ATAD2B: variants seen among roughly 807,000 people sequenced by gnomAD.
ATAD2B encodes ATPase family AAA domain-containing protein 2B.
In ATAD2B, 40 loss-of-function variants were observed where a neutral mutation model predicts 167.6. The ratio of observed to expected loss-of-function variants is 0.24; its 90% CI spans 0.19 to 0.31. The LOEUF is 0.31. Among genes scored for constraint, ATAD2B ranks in the 10% least tolerant of loss-of-function variants. The probability of loss-of-function intolerance (pLI) is 1.00; values close to 1 mark genes in which losing one functional copy is unlikely to be tolerated. For missense variants in ATAD2B, 1,242 were observed against 1,757.2 expected (o/e 0.71, Z 5.24); for synonymous variants, 579 against 596.5 (o/e 0.97, Z 0.43).
chr2:23,773,797 A>G (rs1281121638), intron 22 of ATAD2B, among the ~76,000 whole-genome samples: 2 of 152,200 alleles, frequency 1.3e-5, no homozygotes, highest in Non-Finnish European at 2.9e-5. Flanking sequence ...GTTGTGCCAT[A>G]TAACATCTGT....
At chr2:23,691,416 T>A in the ATAD2B span, 2 of 546,952 alleles carry the variant, frequency 3.7e-6, no homozygotes, top group Admixed American at 6.3e-5. Context: ...TAGCTCATGC[T>A]TTTTGATTTG....
intron 15 of ATAD2B, among the ~76,000 whole-genome samples, chr2:23,825,389 T>G (rs1688095999): frequency 6.6e-6 from 1 of 152,164 alleles, no homozygotes; most frequent in Non-Finnish European, 1.5e-5. Flanking sequence ...TATAAGCAGA[T>G]TACGCATTAA....
chr2:23,730,297 A>G, the ATAD2B span, among the ~76,000 whole-genome samples: 2 of 152,222 alleles, frequency 1.3e-5, no homozygotes, highest in Non-Finnish European at 2.9e-5. Flanking sequence ...AACAATACAC[A>G]TCTAAATTAT....
intron 18 of ATAD2B, chr2:23,799,796 G>GA (rs1177574245): frequency 6.6e-6 from 1 of 151,754 alleles, no homozygotes; most frequent in Non-Finnish European, 1.5e-5. Flanking sequence ...ATAATAATTG[G>GA]AAAAAATGTA....
In ATAD2B at chr2:23,757,409, T is replaced by G. The variant is rs772645171; in HGVS notation, c.4078+9A>C. ...AACCTTCAGAAGATTTTTCAAATAT[T>G]AGCTCTACCTTCTTTATCCAGTTCT... On this transcript the variant is annotated intron_variant, in intron 25 of 27. Coordinates refer to ENST00000238789, the MANE Select transcript of ATAD2B (RefSeq NM_017552.4). 4 of 1,457,450 alleles carry G rather than the reference T, an allele frequency of 2.7e-6. No homozygotes were observed. In the African/African-American group the frequency reaches 5.8e-5, roughly 21 times the overall value. The allele number at this position is 1,457,450 out of a possible 1,614,324, so 90.3% of individuals were successfully genotyped here. A position where few individuals can be genotyped will look rare whatever the true frequency, so the allele number is the denominator to read the frequency against.
At chr2:23,807,948 T>C (rs1684768871) in intron 18 of ATAD2B, among the ~76,000 whole-genome samples, 1 of 124,088 alleles carries the variant, frequency 8.1e-6, no homozygotes, top group Admixed American at 9.3e-5. Flanking sequence ...TATAAATATA[T>C]AAATATTTAT....
intron 22 of ATAD2B, among the ~76,000 whole-genome samples, chr2:23,774,630 TG>T (rs1424693389): frequency 7.9e-5 from 12 of 152,332 alleles, no homozygotes; most frequent in Admixed American, 5.9e-4. Flanking sequence ...CTAGGCACAG[TG>T]GCTCACACCT....
intron 1 of ATAD2B, among the ~76,000 whole-genome samples, chr2:23,922,265 T>C (rs993649467): frequency 6.6e-6 from 1 of 152,122 alleles, no homozygotes; most frequent in African/African-American, 2.4e-5. Context: ...GTTTTGTGAA[T>C]ACAGTATTAG....
At chr2:23,703,642 A>C in the ATAD2B span, 1 of 1,449,544 alleles carries the variant, frequency 6.9e-7, no homozygotes. Context: ...CCTTCCCTGG[A>C]GGGTCTTCTG....
chr2:23,756,928 AAAT>A (rs1676018404), intron 25 of ATAD2B, among the ~76,000 whole-genome samples: 1 of 152,206 alleles, frequency 6.6e-6, no homozygotes, highest in East Asian at 1.9e-4. Flanking sequence ...TGGAGAGTGT[AAAT>A]AATGAGCTGA....
chr2:23,843,297 T>C (rs1691222855), intron 13 of ATAD2B, among the ~76,000 whole-genome samples: 1 of 151,948 alleles, frequency 6.6e-6, no homozygotes, highest in Non-Finnish European at 1.5e-5. Context: ...ACAAAAATTA[T>C]CCAAGGTGAA....
Position 23,926,678 on chromosome 2 carries a change from C to A in ATAD2B, c.93G>T (p.Ala31=). Residue 31 remains alanine, a synonymous_variant, in exon 1 of 28, where the codon GCG becomes GCT. Transcript: ENST00000238789. ...PGPGAGAEPG[A]TGGSSHFISS... is the part of the protein sequence containing the mutation. ...AGATGAAATGGCTGCTGCCTCCGGTCGCCCCAGGCTCTGCTCCGGCCCCAG... is the reference window on the plus strand; with the variant it reads ...AGATGAAATGGCTGCTGCCTCCGGTAGCCCCAGGCTCTGCTCCGGCCCCAG... 6.4e-7 allele frequency: 1 copy of A among 1,555,248 alleles called. No individual in the cohort carries two copies. The highest frequency in any genetic ancestry group is 8.7e-7 in the Non-Finnish European group (1 of 1,150,076).
intron 13 of ATAD2B, among the ~76,000 whole-genome samples, chr2:23,837,568 C>A (rs955208466): frequency 2.4e-4 from 36 of 152,214 alleles, no homozygotes; most frequent in African/African-American, 8.4e-4. Context: ...CCAAAAGCTC[C>A]GTGGAATGTG....
intron 27 of ATAD2B, among the ~76,000 whole-genome samples, chr2:23,752,979 A>C (rs547053275): frequency 5.3e-5 from 8 of 152,178 alleles, no homozygotes; most frequent in Non-Finnish European, 1.2e-4. Flanking sequence ...CAAGCTAATA[A>C]AACTGCAACC....
chr2:23,736,412 A>G, the ATAD2B span, among the ~76,000 whole-genome samples: 3 of 152,202 alleles, frequency 2.0e-5, no homozygotes, highest in Non-Finnish European at 4.4e-5. Context: ...GTAATACTAA[A>G]CAGGAACCAA....
At chr2:23,854,678 CAA>C (rs796112621) in intron 13 of ATAD2B, among the ~76,000 whole-genome samples, 22 of 75,534 alleles carry the variant, frequency 2.9e-4, no homozygotes, top group Non-Finnish European at 2.6e-4. Flanking sequence ...GACTTCGTCT[CAA>C]AAAAAAAAAA....
At chr2:23,687,204 T>C in the ATAD2B span, among the ~76,000 whole-genome samples, 1 of 152,186 alleles carries the variant, frequency 6.6e-6, no homozygotes, top group East Asian at 1.9e-4. Context: ...CTCTGGGACC[T>C]CTGTCCTGGT....
chr2:23,765,414 A>G, intron 23 of ATAD2B, 92 bp downstream of exon 23: 1 of 1,054,402 alleles, frequency 9.5e-7, no homozygotes, highest in Admixed American at 3.4e-5. Flanking sequence ...TACTTTCATA[A>G]TACCAGCAAT....
chr2:23,865,212 C>CA (rs1694958293), intron 10 of ATAD2B, among the ~76,000 whole-genome samples: 1 of 151,960 alleles, frequency 6.6e-6, no homozygotes, highest in Admixed American at 6.6e-5. Context: ...ATTATACTAA[C>CA]ATATATAATT....
Sources: allele counts gnomAD v4.1 joint callset (sites outside exome capture counted in the v4.1 genomes callset), GRCh38; gene constraint gnomAD v4.1.1; transcripts MANE v1.5; gene names NCBI Gene and HGNC (gene_info 2026-07-23, HGNC 2026-07-21).